The following PAPOLA variants were observed in gnomAD, a reference collection of about 807,000 sequenced individuals.
PAPOLA encodes the protein polynucleotide adenylyltransferase alpha.
Under a neutral mutation model 100.6 loss-of-function variants are expected in PAPOLA, and 15 were observed. The ratio of observed to expected loss-of-function variants is 0.15; its 90% CI spans 0.10 to 0.23. PAPOLA has a LOEUF of 0.23. Among genes scored for constraint, PAPOLA ranks in the 10% least tolerant of loss-of-function variants. PAPOLA has a pLI of 1.00. For synonymous variants in PAPOLA, 293 were observed against 300.0 expected (o/e 0.98, Z 0.24); for missense variants, 533 against 884.2 (o/e 0.60, Z 5.04).
chr14:96,565,548 G>A lies in PAPOLA; in HGVS notation c.*498G>A, dbSNP rs1902206131. 1 of 395,916 alleles carries A rather than the reference G, an allele frequency of 2.5e-6. No homozygotes were observed. Among genetic ancestry groups the A allele is most frequent in the African/African-American group, 2.1e-5 (1 of 48,494 alleles). The allele number at this position is 395,916 out of a possible 1,614,324, so 24.5% of individuals were successfully genotyped here. A position where few individuals can be genotyped will look rare whatever the true frequency, so the allele number is the denominator to read the frequency against. The stretch of plus-strand genomic sequence containing the variant: ...GGATACTGTTGTGCAGTGGTGTACT[G>A]TTATACTTCAGAGAAAGGGTAAGAG... On this transcript the variant is annotated 3_prime_UTR_variant, in exon 22 of 22. Coordinates refer to ENST00000216277, the MANE Select transcript of PAPOLA (RefSeq NM_032632.5).
chr14:96,561,479 A>G (rs1330844382), intron 20 of PAPOLA, among the ~76,000 whole-genome samples: 1 of 152,230 alleles, frequency 6.6e-6, no homozygotes, highest in Admixed American at 6.5e-5. Context: ...TATGTGTATC[A>G]TTATGTAATC....
At chr14:96,551,658 G>GA (rs201801289) in intron 16 of PAPOLA, among the ~76,000 whole-genome samples, 2 of 150,908 alleles carry the variant, frequency 1.3e-5, no homozygotes, top group African/African-American at 2.4e-5. Flanking sequence ...AAACATTCTG[G>GA]AAAAAAAAAT....
intron 16 of PAPOLA, among the ~76,000 whole-genome samples, chr14:96,550,913 T>A (rs1900797770): frequency 6.6e-6 from 1 of 152,212 alleles, no homozygotes; most frequent in Non-Finnish European, 1.5e-5. Flanking sequence ...TTATATTTAA[T>A]ATTCCACCAA....
At chr14:96,530,496 C>T (rs916629052) in intron 6 of PAPOLA, among the ~76,000 whole-genome samples, 1 of 151,578 alleles carries the variant, frequency 6.6e-6, no homozygotes, top group Non-Finnish European at 1.5e-5. Context: ...AAGGGATCCT[C>T]CTACCTCAGC....
In PAPOLA at chr14:96,535,934, A is replaced by C; in HGVS notation, c.965A>C (p.Gln322Pro). ...CCTATAATTACACCAGCATACCCAC[A>C]ACAGAACTCCACGTACAATGTGTCC... ...LMPIITPAYPQQNSTYNVSVS... is the reference protein window; with the variant it reads ...LMPIITPAYPPQNSTYNVSVS... Residue 322 changes from glutamine to proline, a missense_variant, in exon 11 of 22, where the codon CAA becomes CCA. Physicochemically the swap from Gln to Pro is moderately conservative, Grantham distance 76 (BLOSUM62 -1). This residue lies in a region of PAPOLA where 87 missense variants were observed against 173.3 expected (regional missense o/e 0.50). Transcript: ENST00000216277. 6.2e-7 allele frequency: 1 copy of C among 1,609,454 alleles called. No individual in the cohort carries two copies. The highest frequency in any genetic ancestry group is 8.5e-7 in the Non-Finnish European group (1 of 1,177,424).
At chr14:96,502,748 T>TCCTC (rs1896382777) in intron 1 of PAPOLA, 148 bp downstream of exon 1, 1 of 797,978 alleles carries the variant, frequency 1.3e-6, no homozygotes, top group Non-Finnish European at 1.8e-6. Flanking sequence ...CCTTCCTGTT[T>TCCTC]CCTCGCTCGC....
chr14:96,506,986 T>G (rs979269952), intron 1 of PAPOLA, among the ~76,000 whole-genome samples: 1 of 152,184 alleles, frequency 6.6e-6, no homozygotes, highest in African/African-American at 2.4e-5. Context: ...TCTTTTCCAG[T>G]TATAATGTTG....
intron 16 of PAPOLA, among the ~76,000 whole-genome samples, chr14:96,548,453 A>G (rs1241292577): frequency 6.6e-6 from 1 of 152,144 alleles, no homozygotes; most frequent in African/African-American, 2.4e-5. Context: ...CTTTTGAATA[A>G]CTTAGAGCCA....
chr14:96,538,035 C>T (rs1004364827), intron 12 of PAPOLA: 1 of 151,958 alleles, frequency 6.6e-6, no homozygotes, highest in Non-Finnish European at 1.5e-5. Flanking sequence ...TCTTATTTTA[C>T]TACGAATCCC....
chr14:96,509,965 C>CTTTTTTTTTTT (rs11372552), intron 1 of PAPOLA, among the ~76,000 whole-genome samples: 1 of 84,426 alleles, frequency 1.2e-5, no homozygotes, highest in African/African-American at 4.6e-5. Context: ...GTGGGAGTTG[C>CTTTTTTTTTTT]TTTTTTTTTT....
At chr14:96,522,841 A>G (rs1898115666) in intron 3 of PAPOLA, among the ~76,000 whole-genome samples, 1 of 152,198 alleles carries the variant, frequency 6.6e-6, no homozygotes, top group South Asian at 2.1e-4. Context: ...AAAATAACAT[A>G]AATAGTGGTA....
intron 10 of PAPOLA, chr14:96,534,923 G>A (rs1050952961): frequency 1.0e-6 from 1 of 1,003,378 alleles, no homozygotes; most frequent in South Asian, 4.5e-5. Context: ...TAAGTATTAT[G>A]CTAAAGTTGG....
intron 6 of PAPOLA, among the ~76,000 whole-genome samples, chr14:96,529,357 A>G (rs1898785506): frequency 6.6e-6 from 1 of 151,942 alleles, no homozygotes; most frequent in South Asian, 2.1e-4. Flanking sequence ...TTTGTGTAAC[A>G]GTACAATTTT....
intron 1 of PAPOLA, among the ~76,000 whole-genome samples, chr14:96,517,612 G>C (rs1163872797): frequency 1.3e-5 from 2 of 151,028 alleles, no homozygotes; most frequent in Admixed American, 6.6e-5. Flanking sequence ...TATGAATTCA[G>C]TTACATTTCA....
In PAPOLA at chr14:96,552,490, A is replaced by C. The variant is rs1900921679; in HGVS notation, c.1532A>C (p.Glu511Ala). ...TTTTATTGTTTGCAGCATTCAACAGAAGGTGTCAAATTGACAGCTCTCAAT... is the reference window on the plus strand; with the variant it reads ...TTTTATTGTTTGCAGCATTCAACAGCAGGTGTCAAATTGACAGCTCTCAAT... ...VLQKKKKHST[E>A]GVKLTALNDS... is the part of the protein sequence containing the mutation. The change falls in exon 17 of 22, where the codon GAA becomes GCA. Residue 511 changes from glutamate to alanine, a missense_variant. Physicochemically the swap from Glu to Ala is moderately radical, Grantham distance 107. Transcript: ENST00000216277. 5 of 1,613,146 alleles carry C rather than the reference A, an allele frequency of 3.1e-6. No homozygotes were observed. The East Asian group carries it at 1.1e-4, about 36-fold the overall frequency.
intron 1 of PAPOLA, among the ~76,000 whole-genome samples, chr14:96,518,069 G>T (rs1640874470): frequency 6.6e-6 from 1 of 152,138 alleles, no homozygotes; most frequent in Non-Finnish European, 1.5e-5. Context: ...ATGCAACTTA[G>T]ATTAAAGGGG....
intron 20 of PAPOLA, among the ~76,000 whole-genome samples, chr14:96,561,691 T>C (rs1901852774): frequency 6.6e-6 from 1 of 152,206 alleles, no homozygotes; most frequent in African/African-American, 2.4e-5. Flanking sequence ...AGAAGAATTA[T>C]TGAGGAAAAT....
At chr14:96,564,653 A>G (rs1902137735) in intron 21 of PAPOLA, among the ~76,000 whole-genome samples, 1 of 152,110 alleles carries the variant, frequency 6.6e-6, no homozygotes, top group Admixed American at 6.6e-5. Flanking sequence ...CAGTAACTTA[A>G]GCATTATATG....
At position 96,547,059 on chromosome 14, in the gene PAPOLA, A is replaced by G. The variant is rs577007143; in HGVS notation, c.1400-738A>G. 1.7e-3 allele frequency among the ~76,000 whole-genome samples: 264 copies of G among 152,186 alleles called. 1 individual carries two copies. The highest frequency in any genetic ancestry group is 6.1e-3 in the African/African-American group (252 of 41,520). ...TCTCAGTAATACTTATCATCATCTG[A>G]CACGGACTATAGTTTATGTTTTATT... On this transcript the variant is annotated intron_variant, in intron 15 of 21. Coordinates refer to ENST00000216277, the MANE Select transcript of PAPOLA (RefSeq NM_032632.5).
Sources: allele counts gnomAD v4.1 joint callset (sites outside exome capture counted in the v4.1 genomes callset), GRCh38; gene constraint gnomAD v4.1.1; regional missense constraint gnomAD v4.1.1; transcripts MANE v1.5; gene names NCBI Gene and HGNC (gene_info 2026-07-23, HGNC 2026-07-21).